CLEC2D: variants seen among roughly 807,000 people sequenced by gnomAD.
CLEC2D encodes C-type lectin domain family 2 member D, also known as C-type lectin related f.
Under a neutral mutation model 20.0 loss-of-function variants are expected in CLEC2D, and 16 were observed. That is an observed-to-expected ratio of 0.80 (90% CI 0.54 to 1.22). CLEC2D has a LOEUF of 1.22. Among genes scored for constraint, CLEC2D ranks in the 50% most tolerant of loss-of-function variants. CLEC2D has a pLI of 0.00. For synonymous variants in CLEC2D, 77 were observed against 71.1 expected, an observed-to-expected ratio of 1.08 and a Z score of -0.42; for missense variants, 207 against 221.5, an observed-to-expected ratio of 0.93 and a Z score of 0.42.
rs1441039445 is a variant in CLEC2D at position 9,698,495 on chromosome 12, C to A, written c.*3621C>A. 1 of 152,048 alleles carries A rather than the reference C, an allele frequency of 6.6e-6. No individual in the cohort carries two copies. Among genetic ancestry groups the A allele is most frequent in the African/African-American group, 2.4e-5 (1 of 41,384 alleles). 9.4% of individuals were successfully genotyped at this position (152,048 alleles called of 1,614,324 possible). A position where few individuals can be genotyped will look rare whatever the true frequency, so the allele number is the denominator to read the frequency against. On this transcript the variant is annotated 3_prime_UTR_variant, in exon 5 of 5. Coordinates refer to ENST00000290855, the MANE Select transcript of CLEC2D (RefSeq NM_013269.6). ...CAGAAGAATAAAATTGGACCCTTAC[C>A]TCCTACCATATATAAAAACCAACTG...
intron 1 of CLEC2D, among the ~76,000 whole-genome samples, chr12:9,674,589 G>A (rs1004617118): frequency 3.3e-5 from 5 of 152,240 alleles, no homozygotes; most frequent in African/African-American, 1.2e-4. Flanking sequence ...AACTGCCAAA[G>A]TGGCTGTAGC....
Position 9,695,532 on chromosome 12 carries a change from G to T in CLEC2D, c.*658G>T, listed in dbSNP as rs1444841373. Reference sequence around the variant, plus strand: ...TATCTTTAAGAACGGTCAGCTCAGGGGCTGGTGCAAAGGATGAACTGCACA... The same window carrying T: ...TATCTTTAAGAACGGTCAGCTCAGGTGCTGGTGCAAAGGATGAACTGCACA... On this transcript the variant is annotated 3_prime_UTR_variant, in exon 5 of 5. Coordinates refer to ENST00000290855, the MANE Select transcript of CLEC2D (RefSeq NM_013269.6). 1.6e-6 allele frequency: 2 copies of T among 1,264,964 alleles called. No homozygotes were observed. Among genetic ancestry groups the T allele is most frequent in the Admixed American group, 1.7e-5 (1 of 59,392 alleles). The allele number at this position is 1,264,964 out of a possible 1,614,324, so 78.4% of individuals were successfully genotyped here.
chr12:9,695,829 G>C lies in CLEC2D; in HGVS notation c.*955G>C. ...AGCAGTCTGCCCCTGGAGGTGGGCA[G>C]AAAAAAGTAAAACTTGCTGCTGCTG... is the stretch of plus-strand genomic sequence containing the variant. On this transcript the variant is annotated 3_prime_UTR_variant, in exon 5 of 5. Coordinates refer to ENST00000290855, the MANE Select transcript of CLEC2D (RefSeq NM_013269.6). 8.5e-7 allele frequency: 1 copy of C among 1,171,590 alleles called. No homozygotes were observed. Among genetic ancestry groups the C allele is most frequent in the Non-Finnish European group, 1.3e-6 (1 of 795,960 alleles). 72.6% of individuals were successfully genotyped at this position (1,171,590 alleles called of 1,614,324 possible). A position where few individuals can be genotyped will look rare whatever the true frequency, so the allele number is the denominator to read the frequency against.
At position 9,695,321 on chromosome 12, in the gene CLEC2D, C is replaced by G. The variant is rs1277861047; in HGVS notation, c.*447C>G. ...TGATTCCGTCCTGCGCGGCTGTTCT[C>G]TGGAGCAGCATTCATTTATCTTCGT... On this transcript the variant is annotated 3_prime_UTR_variant, in exon 5 of 5. Transcript: ENST00000290855. 1.4e-5 allele frequency: 12 copies of G among 869,746 alleles called. No individual in the cohort carries two copies. Among genetic ancestry groups the G allele is most frequent in the African/African-American group, 6.7e-5 (4 of 60,098 alleles). 53.9% of individuals were successfully genotyped at this position (869,746 alleles called of 1,614,324 possible).
intron 2 of CLEC2D, among the ~76,000 whole-genome samples, chr12:9,685,022 G>T (rs764314142): frequency 6.6e-6 from 1 of 152,280 alleles, no homozygotes; most frequent in South Asian, 2.1e-4. Flanking sequence ...GCTTGTTTTG[G>T]TTGGGTAGGC....
Position 9,680,919 on chromosome 12 carries a change from C to T in CLEC2D, c.62-4C>T, listed in dbSNP as rs760123895. 27 of 1,416,308 alleles carry T rather than the reference C, an allele frequency of 1.9e-5. No homozygotes were observed. The African/African-American group carries it at 2.2e-4, about 12-fold the overall frequency. 87.7% of individuals were successfully genotyped at this position (1,416,308 alleles called of 1,614,324 possible). ...TTAAAATGTTTTTCAATAATTTTTT[C>T]CAGGTTGTCTGCATTCAAAAGAGCA... On this transcript the variant is annotated splice_region_variant and splice_polypyrimidine_tract_variant and intron_variant, in intron 1 of 4. Transcript: ENST00000290855.
chr12:9,695,447 G>A lies in CLEC2D; in HGVS notation c.*573G>A. On this transcript the variant is annotated 3_prime_UTR_variant, in exon 5 of 5. Transcript: ENST00000290855. Reference sequence around the variant, plus strand: ...GCCCCAGAACTATCTTTTCAGTTGTGAACTAAAGGCCGACAAAGATGATCA... The same window carrying A: ...GCCCCAGAACTATCTTTTCAGTTGTAAACTAAAGGCCGACAAAGATGATCA... 1 of 1,386,942 alleles carries A rather than the reference G, an allele frequency of 7.2e-7. No homozygotes were observed. The highest frequency in any genetic ancestry group is 1.0e-6 in the Non-Finnish European group (1 of 990,384). 85.9% of individuals were successfully genotyped at this position (1,386,942 alleles called of 1,614,324 possible).
intron 1 of CLEC2D, 135 bp downstream of exon 1, chr12:9,669,930 A>G: frequency 1.7e-6 from 1 of 586,274 alleles, no homozygotes; most frequent in Middle Eastern, 2.6e-4. Flanking sequence ...GGAGTCCATA[A>G]ATTGGCTTAT....
At chr12:9,673,469 G>T (rs749172006) in intron 1 of CLEC2D, among the ~76,000 whole-genome samples, 1 of 152,218 alleles carries the variant, frequency 6.6e-6, no homozygotes, top group East Asian at 1.9e-4. Context: ...GATGCCAGCC[G>T]GAACTCTTCT....
chr12:9,674,105 G>A (rs1118223), intron 1 of CLEC2D: 3,557 of 152,310 alleles, frequency 0.023, 148 homozygotes, highest in African/African-American at 0.081. Context: ...GATGGTTCTC[G>A]TGCCTCACTG....
chr12:9,675,297 A>G (rs968110914), intron 1 of CLEC2D, among the ~76,000 whole-genome samples: 1 of 147,600 alleles, frequency 6.8e-6, no homozygotes. Context: ...GGGTTCACCC[A>G]CCATTCTCCT....
chr12:9,691,774 A>C (rs1478437035), intron 3 of CLEC2D, among the ~76,000 whole-genome samples: 2 of 152,206 alleles, frequency 1.3e-5, no homozygotes, highest in Non-Finnish European at 2.9e-5. Flanking sequence ...GGAAATTTAT[A>C]GCTGTGAGCA....
chr12:9,687,567 G>A (rs1865775578), intron 2 of CLEC2D, among the ~76,000 whole-genome samples: 1 of 152,170 alleles, frequency 6.6e-6, no homozygotes, highest in South Asian at 2.1e-4. Context: ...GTTCTCCAAA[G>A]CTGATCAAAT....
rs1023430766 is a variant in CLEC2D at position 9,697,259 on chromosome 12, G to C, written c.*2385G>C. On this transcript the variant is annotated 3_prime_UTR_variant, in exon 5 of 5. Coordinates refer to ENST00000290855, the MANE Select transcript of CLEC2D (RefSeq NM_013269.6). ...GGCAAGGAACACCTGGCCTGCCCAG[G>C]GTGGAAAACCACTTAAAGGCGTTCT... 11 of 152,068 alleles carry C rather than the reference G, an allele frequency of 7.2e-5. No homozygotes were observed. Among genetic ancestry groups the C allele is most frequent in the African/African-American group, 2.4e-4 (10 of 41,408 alleles). 9.4% of individuals were successfully genotyped at this position (152,068 alleles called of 1,614,324 possible).
Position 9,687,910 on chromosome 12 carries a change from G to A in CLEC2D, c.181G>A (p.Ala61Thr). ...TTTTATTTTATTTTCAGCAATAAGA[G>A]CTAACTGCCATCAAGAGCCATCAGT... The part of the protein sequence containing the change: ...GMVAALSAIR[A>T]NCHQEPSVCL... The change falls in exon 3 of 5, where the codon GCT becomes ACT. Residue 61 changes from alanine to threonine, a missense_variant. Ala to Thr is a moderately conservative substitution (Grantham distance 58, BLOSUM62 0). Transcript: ENST00000290855. 6.4e-7 allele frequency: 1 copy of A among 1,574,032 alleles called. No individual in the cohort carries two copies. Among genetic ancestry groups the A allele is most frequent in the Non-Finnish European group, 8.6e-7 (1 of 1,158,712 alleles).
At chr12:9,678,678 C>T (rs763208462) in intron 1 of CLEC2D, among the ~76,000 whole-genome samples, 7 of 152,066 alleles carry the variant, frequency 4.6e-5, no homozygotes, top group East Asian at 1.9e-4. Flanking sequence ...CCTGGTATTA[C>T]GGGCATGTGC....
rs889318843 is a variant in CLEC2D, at chr12:9,699,136, C to T, written c.*4262C>T. 1.3e-5 allele frequency: 2 copies of T among 152,102 alleles called. No individual in the cohort carries two copies. The highest frequency in any genetic ancestry group is 2.9e-5 in the Non-Finnish European group (2 of 68,024). The allele number at this position is 152,102 out of a possible 1,614,324, so 9.4% of individuals were successfully genotyped here. A position where few individuals can be genotyped will look rare whatever the true frequency, so the allele number is the denominator to read the frequency against. ...TCTCCCCAAATTATTTACTCTTCCC[C>T]CAAAATCACCCACACTTCCCCATCT... On this transcript the variant is annotated 3_prime_UTR_variant, in exon 5 of 5. Coordinates refer to ENST00000290855, the MANE Select transcript of CLEC2D (RefSeq NM_013269.6).
chr12:9,678,163 T>C (rs1865562566), intron 1 of CLEC2D, among the ~76,000 whole-genome samples: 1 of 152,226 alleles, frequency 6.6e-6, no homozygotes, highest in African/African-American at 2.4e-5. Flanking sequence ...TTTAGGTTTG[T>C]TATGCGGAAA....
At chr12:9,675,813 A>C (rs11052342) in intron 1 of CLEC2D, among the ~76,000 whole-genome samples, 9,024 of 152,258 alleles carry the variant, frequency 0.059, 317 homozygotes, top group Non-Finnish European at 0.084. Flanking sequence ...CATTGATTTC[A>C]TTCATCAGTT....
Sources: allele counts gnomAD v4.1 joint callset (sites outside exome capture counted in the v4.1 genomes callset), GRCh38; gene constraint gnomAD v4.1.1; transcripts MANE v1.5; gene names NCBI Gene and HGNC (gene_info 2026-07-23, HGNC 2026-07-21).